ECD: variants seen among roughly 807,000 people sequenced by gnomAD.
The protein encoded by ECD is ecdysoneless cell cycle regulator.
A neutral mutation model predicts 77.2 loss-of-function variants in ECD; 59 were observed. The observed-to-expected ratio is 0.76, with a 90% CI of 0.62 to 0.95. ECD has a LOEUF of 0.95. ECD is among the 40% of genes least tolerant of loss of function. The pLI, the probability that ECD is intolerant of heterozygous loss-of-function variation, is 0.00. For missense variants in ECD, 704 were observed against 763.4 expected (o/e 0.92, Z 0.92); for synonymous variants, 233 against 267.4 (o/e 0.87, Z 1.26).
intron 6 of ECD, 103 bp downstream of exon 6, chr10:73,154,153 T>G (rs544133386): frequency 2.7e-4 from 299 of 1,123,586 alleles, no homozygotes; most frequent in Admixed American, 3.7e-4. Context: ...ATTAAAATAA[T>G]GTTTCATTCA....
In ECD at chr10:73,139,452, C is replaced by G. The variant is rs765534407; in HGVS notation, c.1278G>C (p.Leu426=). The change falls in exon 11 of 14, where the codon CTG becomes CTC. Residue 426 remains leucine, a synonymous_variant. Coordinates refer to ENST00000372979, the MANE Select transcript of ECD (RefSeq NM_007265.3). The part of the protein sequence containing the change: ...LDLSPDQLDQ[L]LQEAVGKKES... ...CTTTTTTGCCAACAGCTTCCTGCAG[C>G]AGCTGGTCCAGCTGATCTGGTGAGA... 1.2e-5 allele frequency: 19 copies of G among 1,614,124 alleles called. No homozygotes were observed. The highest frequency in any genetic ancestry group is 1.5e-5 in the Non-Finnish European group (18 of 1,180,022).
Position 73,163,717 on chromosome 10 carries a change from A to G in ECD, c.205+16T>C, listed in dbSNP as rs570088772. On this transcript the variant is annotated intron_variant, in intron 2 of 13. Coordinates refer to ENST00000372979, the MANE Select transcript of ECD (RefSeq NM_007265.3). Reference sequence around the variant, plus strand: ...ATTAAAAGTCACACTAATCCAAACAAGTAAAAGAGCCTTACCTTTCCCAGG... The same window carrying G: ...ATTAAAAGTCACACTAATCCAAACAGGTAAAAGAGCCTTACCTTTCCCAGG... 5.8e-5 allele frequency: 94 copies of G among 1,612,462 alleles called. 1 individual carries two copies. Among genetic ancestry groups the G allele is most frequent in the Middle Eastern group, 3.5e-4 (2 of 5,718 alleles).
In ECD at chr10:73,163,746, A is replaced by G. The variant is rs758022412; in HGVS notation, c.192T>C (p.Tyr64=). The change falls in exon 2 of 14, where the codon TAT becomes TAC. Residue 64 remains tyrosine, a synonymous_variant. Transcript: ENST00000372979. ...AAAGAGCCTTACCTTTCCCAGGTTTATATTTAAGATTGAAAGGCTGATTCT... is the reference window on the plus strand; with the variant it reads ...AAAGAGCCTTACCTTTCCCAGGTTTGTATTTAAGATTGAAAGGCTGATTCT... ...IWQNQPFNLK[Y]KPGKGGVPAH... 1.2e-6 allele frequency: 2 copies of G among 1,614,098 alleles called. No individual in the cohort carries two copies. The highest frequency in any genetic ancestry group is 1.7e-6 in the Non-Finnish European group (2 of 1,180,010).
chr10:73,138,133 A>G (rs1017170847), intron 11 of ECD, 63 bp from the exon 12 acceptor site: 37 of 1,232,070 alleles, frequency 3.0e-5, no homozygotes, highest in Non-Finnish European at 3.8e-5. Context: ...AAACTTTTCT[A>G]AAGTGGTGCC....
rs78619377 is a variant in ECD at position 73,164,981 on chromosome 10, T to C, written c.-13-1031A>G. Among the ~76,000 whole-genome samples the C allele has an allele frequency of 2.6e-5, 4 of 152,314 alleles. No homozygotes were observed. The East Asian group carries it at 7.7e-4, about 29-fold the overall frequency. ...TACTAGCAGTGGTATGTGTAATATATTTCGAGAAACACTGCACTAACACCT... is the reference window on the plus strand; with the variant it reads ...TACTAGCAGTGGTATGTGTAATATACTTCGAGAAACACTGCACTAACACCT... On this transcript the variant is annotated intron_variant, in intron 1 of 13. Coordinates refer to ENST00000372979, the MANE Select transcript of ECD (RefSeq NM_007265.3).
chr10:73,164,825 TTGATA>T (rs1367257047), intron 1 of ECD, among the ~76,000 whole-genome samples: 1 of 152,196 alleles, frequency 6.6e-6, no homozygotes, highest in Admixed American at 6.5e-5. Context: ...AAAGGAAACC[TTGATA>T]TAATACAGTG....
At chr10:73,150,701 A>G (rs1350356219) in intron 7 of ECD, among the ~76,000 whole-genome samples, 2 of 152,238 alleles carry the variant, frequency 1.3e-5, no homozygotes, top group Non-Finnish European at 2.9e-5. Context: ...AACCCCATCA[A>G]CAAGTGGGCA....
In ECD at chr10:73,160,696, C is replaced by T. The variant is rs924265420; in HGVS notation, c.206-145G>A. On this transcript the variant is annotated intron_variant, in intron 2 of 13. Coordinates refer to ENST00000372979, the MANE Select transcript of ECD (RefSeq NM_007265.3). ...GGGGTTGCAATCCTGAAGAAGAAGC[C>T]TACTCCTGAGGAGCTCAGGGTAAAA... 3.1e-5 allele frequency: 17 copies of T among 550,376 alleles called. No homozygotes were observed. The Middle Eastern group carries it at 1.1e-3, about 35-fold the overall frequency. The allele number at this position is 550,376 out of a possible 1,614,324, so 34.1% of individuals were successfully genotyped here.
chr10:73,134,315 A>T lies in ECD; in HGVS notation c.*268T>A, dbSNP rs1564657947. The T allele has an allele frequency of 1.0e-5, 4 of 386,606 alleles. No individual in the cohort carries two copies. In the East Asian group the frequency reaches 1.3e-4, roughly 13 times the overall value. The allele number at this position is 386,606 out of a possible 1,614,324, so 23.9% of individuals were successfully genotyped here. A position where few individuals can be genotyped will look rare whatever the true frequency, so the allele number is the denominator to read the frequency against. ...CTCCAAGGGTATATTGTGGTAGGGT[A>T]TGTCTTTAGCATGAAGTGTGTGAAT... is the stretch of plus-strand genomic sequence containing the variant. On this transcript the variant is annotated 3_prime_UTR_variant, in exon 14 of 14. Transcript: ENST00000372979.
Position 73,136,922 on chromosome 10 carries a change from C to T in ECD, c.1490-4G>A, listed in dbSNP as rs371251172. ...TCTGACTCATTAGGCCTTGGCCCTACACAGATCCCAAGAAAGAAAGAGCCA... is the reference window on the plus strand; with the variant it reads ...TCTGACTCATTAGGCCTTGGCCCTATACAGATCCCAAGAAAGAAAGAGCCA... On this transcript the variant is annotated splice_polypyrimidine_tract_variant and splice_region_variant and intron_variant, in intron 12 of 13. Coordinates refer to ENST00000372979, the MANE Select transcript of ECD (RefSeq NM_007265.3). 1.1e-4 allele frequency: 165 copies of T among 1,498,964 alleles called. No individual in the cohort carries two copies. Among genetic ancestry groups the T allele is most frequent in the Non-Finnish European group, 2.1e-5 (23 of 1,118,668 alleles). The allele number at this position is 1,498,964 out of a possible 1,614,324, so 92.9% of individuals were successfully genotyped here.
intron 3 of ECD, 30 bp downstream of exon 3, chr10:73,160,404 C>T: frequency 6.9e-7 from 1 of 1,443,354 alleles, no homozygotes; most frequent in South Asian, 1.3e-5. Flanking sequence ...TAATAGAATT[C>T]CTTTAGAATA....
chr10:73,152,626 T>C (rs1215952529), intron 6 of ECD, among the ~76,000 whole-genome samples: 1 of 152,136 alleles, frequency 6.6e-6, no homozygotes, highest in Non-Finnish European at 1.5e-5. Flanking sequence ...TTTACCCTAC[T>C]GCTGGCCAGG....
At chr10:73,157,583 G>T (rs997547409) in intron 3 of ECD, among the ~76,000 whole-genome samples, 7 of 151,310 alleles carry the variant, frequency 4.6e-5, no homozygotes. Context: ...TCAGCCAGGC[G>T]TGGTGGCCCA....
chr10:73,159,357 T>G (rs1005958510), intron 3 of ECD, among the ~76,000 whole-genome samples: 1 of 152,256 alleles, frequency 6.6e-6, no homozygotes, highest in Non-Finnish European at 1.5e-5. Context: ...TTTCTGTGTA[T>G]GATTTCTCAA....
In ECD at chr10:73,156,458, A is replaced by G; in HGVS notation, c.412-5T>C. Reference sequence around the variant, plus strand: ...TTCCCCATGGCAGAAAAATACCTGCAAACGGTACATTTCAATTTTCACAGT... The same window carrying G: ...TTCCCCATGGCAGAAAAATACCTGCGAACGGTACATTTCAATTTTCACAGT... On this transcript the variant is annotated splice_region_variant and splice_polypyrimidine_tract_variant and intron_variant, in intron 4 of 13. Transcript: ENST00000372979. 1 of 1,609,008 alleles carries G rather than the reference A, an allele frequency of 6.2e-7. No homozygotes were observed. Among genetic ancestry groups the G allele is most frequent in the Non-Finnish European group, 8.5e-7 (1 of 1,177,538 alleles).
rs758850186 is a variant in ECD, at chr10:73,154,349, T to C, written c.690A>G (p.Ala230=). ...VLKQRPRLVA[A]AVQAFYLRDP... ...CTCGTAGGTAAAATGCCTGGACTGC[T>C]GCAGCCACCAATCTGGGGCGCTGCT... Residue 230 remains alanine (A), a synonymous_variant, in exon 6 of 14, where the codon GCA becomes GCG. Transcript: ENST00000372979. 1.9e-6 allele frequency: 3 copies of C among 1,614,054 alleles called. No individual in the cohort carries two copies. The highest frequency in any genetic ancestry group is 3.3e-5 in the Admixed American group (2 of 60,002).
chr10:73,136,670 C>T, intron 13 of ECD, 34 bp downstream of exon 13: 1 of 1,590,392 alleles, frequency 6.3e-7, no homozygotes, highest in South Asian at 1.1e-5. Flanking sequence ...ACATACTAGA[C>T]TCAGAAAGAG....
intron 3 of ECD, 125 bp downstream of exon 3, chr10:73,160,309 A>T: frequency 1.8e-6 from 1 of 543,320 alleles, no homozygotes; most frequent in Non-Finnish European, 3.0e-6. Flanking sequence ...GAGCACAGAT[A>T]CTATTAAAAT....
intron 11 of ECD, among the ~76,000 whole-genome samples, chr10:73,139,022 T>C (rs1410014538): frequency 1.3e-5 from 2 of 152,210 alleles, no homozygotes; most frequent in Non-Finnish European, 2.9e-5. Flanking sequence ...AAGTTAAATG[T>C]TGAGCCCATA....
Sources: gnomAD v4.1 joint callset for allele counts (sites outside exome capture counted in the v4.1 genomes callset) on GRCh38, gnomAD v4.1.1 for gene constraint, MANE v1.5 for transcripts, NCBI Gene and HGNC (gene_info 2026-07-23, HGNC 2026-07-21) for gene names.